TMEM200C: variants seen among roughly 807,000 people sequenced by gnomAD.
TMEM200C encodes the protein transmembrane protein TTMA.
For missense variants in TMEM200C, 966 were observed against 699.9 expected (o/e 1.38, Z -4.29); for synonymous variants, 462 against 324.7 (o/e 1.42, Z -4.55).
exon 3 of TMEM200C, chr18:5,890,417 C>A (rs745827133): frequency 1.9e-6 from 3 of 1,573,626 alleles, no homozygotes; most frequent in Non-Finnish European, 2.6e-6. Context: ...CGTCCAAGAC[C>A]GACTCGGTGG....
exon 3 of TMEM200C, chr18:5,888,235 T>C (rs2095166883): frequency 6.6e-6 from 1 of 152,236 alleles, no homozygotes; most frequent in African/African-American, 2.4e-5. Context: ...AATTTAACAC[T>C]ACCTTGAGGT....
chr18:5,891,271 C>T lies in TMEM200C; in HGVS notation c.793G>A (p.Gly265Ser). ...AAGGCGTCCCCGGAGCCACCGCAGC[C>T]CCCGGGCTTCAGCTCCAGGCCCCGC... The change falls in exon 3 of 3, where the codon GGC (glycine) becomes AGC (serine). Residue 265 changes from glycine to serine, a missense_variant. By Grantham distance (56) the Gly-to-Ser change is moderately conservative. Transcript: ENST00000581347. The surrounding 1 kb of genome is among the most constrained non-coding windows in gnomAD (Gnocchi z 4.7). 7.1e-7 allele frequency: 1 copy of T among 1,410,672 alleles called. No homozygotes were observed. 87.4% of individuals were successfully genotyped at this position (1,410,672 alleles called of 1,614,324 possible). A position where few individuals can be genotyped will look rare whatever the true frequency, so the allele number is the denominator to read the frequency against.
At chr18:5,890,547 G>A (rs749226015) in exon 3 of TMEM200C, 10 of 1,457,246 alleles carry the variant, frequency 6.9e-6, no homozygotes, top group Admixed American at 2.4e-5. Context: ...GGGTGGCGAG[G>A]GGGAGGCGGC....
chr18:5,890,169 C>T (rs766280939), exon 3 of TMEM200C: 9 of 1,491,834 alleles, frequency 6.0e-6, no homozygotes, highest in Admixed American at 2.1e-5. Flanking sequence ...CCCATTTTCT[C>T]TTTCCTCCTC....
chr18:5,885,671 T>C (rs2095164822), exon 3 of TMEM200C: 1 of 152,214 alleles, frequency 6.6e-6, no homozygotes, highest in South Asian at 2.1e-4. Flanking sequence ...TTGGCAGAGT[T>C]GCAGGTAGTT....
exon 3 of TMEM200C, chr18:5,889,104 A>C (rs1456121198): frequency 6.6e-6 from 1 of 152,254 alleles, no homozygotes; most frequent in African/African-American, 2.4e-5. Flanking sequence ...CCATTAACTT[A>C]TAATCAGTGA....
chr18:5,884,157 TA>T (rs1156288596), exon 3 of TMEM200C: 1 of 152,192 alleles, frequency 6.6e-6, no homozygotes, highest in Non-Finnish European at 1.5e-5. Flanking sequence ...TCTATATCTA[TA>T]GATCAGAGAT....
At position 5,891,662 on chromosome 18, in the gene TMEM200C, C is replaced by T; in HGVS notation, c.402G>A (p.Thr134=). ...ACGGGGAGGCGGCTCGTGCTGGAGG[C>T]GTGCTCCTGGGCGCGCCCGCGGAAC... Residue 134 remains threonine (T), a synonymous_variant, in exon 3 of 3, where the codon ACG becomes ACA. Coordinates refer to ENST00000581347, the Ensembl canonical transcript of TMEM200C. The surrounding 1 kb of genome is among the most constrained non-coding windows in gnomAD (Gnocchi z 4.7). The T allele has an allele frequency of 6.2e-7, 1 of 1,613,730 alleles. No homozygotes were observed. The highest frequency in any genetic ancestry group is 1.6e-4 in the Middle Eastern group (1 of 6,062).
At position 5,890,862 on chromosome 18, in the gene TMEM200C, C is replaced by T; in HGVS notation, c.1202G>A (p.Trp401Ter). ...GCCGCGTTCCCCCGGAGGCCTCTGC[C>T]AGCTGCAGCTCGCGCCCTCCGCGTC... The change falls in exon 3 of 3, where the codon TGG becomes TAG. Residue 401 changes from tryptophan (W) to a stop codon, truncating the protein, a stop_gained. Coordinates refer to ENST00000581347, the Ensembl canonical transcript of TMEM200C. LOFTEE classifies it low-confidence loss of function (END_TRUNC). 1 of 682,240 alleles carries T rather than the reference C, an allele frequency of 1.5e-6. No homozygotes were observed. The highest frequency in any genetic ancestry group is 2.7e-6 in the Non-Finnish European group (1 of 375,976). 42.3% of individuals were successfully genotyped at this position (682,240 alleles called of 1,614,324 possible).
At chr18:5,883,949 T>G (rs1395414745) in exon 3 of TMEM200C, 1 of 152,180 alleles carries the variant, frequency 6.6e-6, no homozygotes, top group Non-Finnish European at 1.5e-5. Context: ...AAAGATAGCT[T>G]AGGTCCAATA....
chr18:5,893,136 C>G (rs2144457436), intron 2 of TMEM200C, among the ~76,000 whole-genome samples: 1 of 152,276 alleles, frequency 6.6e-6, no homozygotes, highest in East Asian at 1.9e-4. Context: ...AAAACTAACA[C>G]TCTGCCATAA....
At chr18:5,888,972 TGAA>T (rs1236245046) in exon 3 of TMEM200C, 4 of 152,232 alleles carry the variant, frequency 2.6e-5, no homozygotes, top group African/African-American at 9.7e-5. Context: ...GAGACCAAAA[TGAA>T]GACATCTTGT....
At chr18:5,890,872 T>G (rs760394719) in exon 3 of TMEM200C, 90 of 682,830 alleles carry the variant, frequency 1.3e-4, no homozygotes, top group Non-Finnish European at 1.6e-4. Context: ...CAGCTGCAGC[T>G]CGCGCCCTCC....
exon 3 of TMEM200C, chr18:5,890,023 G>C: frequency 5.9e-6 from 3 of 509,826 alleles, no homozygotes. Context: ...AAAATCCTTG[G>C]AGTTATCTAC....
chr18:5,890,548 G>T (rs754867055), exon 3 of TMEM200C: 1 of 1,455,512 alleles, frequency 6.9e-7, no homozygotes, highest in Non-Finnish European at 9.1e-7. Flanking sequence ...GGTGGCGAGG[G>T]GGAGGCGGCC....
chr18:5,894,286 C>T (rs1162911689), intron 2 of TMEM200C, among the ~76,000 whole-genome samples: 1 of 152,166 alleles, frequency 6.6e-6, no homozygotes, highest in Non-Finnish European at 1.5e-5. Flanking sequence ...CTTTACCGCA[C>T]ATCTTTAAAA....
chr18:5,891,337 CG>C lies in TMEM200C; in HGVS notation c.726del (p.Ala244ProfsTer18), dbSNP rs775591992. On this transcript the variant is annotated frameshift_variant, in exon 3 of 3. Coordinates refer to ENST00000581347, the Ensembl canonical transcript of TMEM200C. LOFTEE classifies it low-confidence loss of function (END_TRUNC). This position sits in a 1 kb window ranked among gnomAD's most constrained non-coding sequence, Gnocchi z 4.7. ...AGGAAGCCGTTGAGCGGTATGGCCC[CG>C]GGGGGCGCCGCGGCGGGGGCAGACG... 6.0e-6 allele frequency: 8 copies of C among 1,334,748 alleles called. No individual in the cohort carries two copies. The highest frequency in any genetic ancestry group is 3.9e-5 in the Admixed American group (1 of 25,576). The allele number at this position is 1,334,748 out of a possible 1,614,324, so 82.7% of individuals were successfully genotyped here.
rs907569809 is a variant in TMEM200C, at chr18:5,888,120, C to T, written c.*2078G>A. On this transcript the variant is annotated 3_prime_UTR_variant, in exon 3 of 3. Coordinates refer to ENST00000581347, the Ensembl canonical transcript of TMEM200C. ...CCTGTTTTCCCCTTGAAGTAACACG[C>T]TATCTCAGTATATAAATTACCCAGT... The T allele has an allele frequency of 5.3e-5, 8 of 152,258 alleles. 2 individuals are homozygous for T. The highest frequency in any genetic ancestry group is 3.9e-4 in the Admixed American group (6 of 15,294). 9.4% of individuals were successfully genotyped at this position (152,258 alleles called of 1,614,324 possible). A position where few individuals can be genotyped will look rare whatever the true frequency, so the allele number is the denominator to read the frequency against.
chr18:5,892,193 C>A, intron 2 of TMEM200C, 36 bp from the exon 2 acceptor site: 2 of 940,830 alleles, frequency 2.1e-6, no homozygotes, highest in Non-Finnish European at 3.1e-6. Context: ...AGGGTGTCAG[C>A]TTGGCTGCAG....
Sources: allele counts gnomAD v4.1 joint callset (sites outside exome capture counted in the v4.1 genomes callset), GRCh38; gene constraint gnomAD v4.1.1; non-coding constraint Gnocchi (gnomAD v3.1); transcripts MANE v1.5; gene names NCBI Gene and HGNC (gene_info 2026-07-23, HGNC 2026-07-21).